Variants in SENP7 observed in about 807,000 individuals in gnomAD.
SENP7 encodes SUMO specific peptidase 7, also known as sentrin-specific protease 7.
A neutral mutation model predicts 141.2 loss-of-function variants in SENP7; 64 were observed. The ratio of observed to expected loss-of-function variants is 0.45; its 90% CI spans 0.37 to 0.56. SENP7 has a LOEUF of 0.56. Ranked by LOEUF, SENP7 falls within the 20% of genes least tolerant of loss-of-function variation. The pLI, the probability that SENP7 is intolerant of heterozygous loss-of-function variation, is 0.00. For missense variants in SENP7, 1,025 were observed against 1,212.2 expected, an observed-to-expected ratio of 0.85 and a Z score of 2.29; for synonymous variants, 382 against 426.4, an observed-to-expected ratio of 0.90 and a Z score of 1.28.
chr3:101,463,398 C>CATATATATATATATATACACAT (rs2063647105), intron 3 of SENP7, among the ~76,000 whole-genome samples: 2 of 58,716 alleles, frequency 3.4e-5, no homozygotes, highest in East Asian at 1.1e-3. Flanking sequence ...TATATATATA[C>CATATATATATATATATACACAT]ATATATATAT....
chr3:101,499,370 T>G (rs2065281609), intron 2 of SENP7, among the ~76,000 whole-genome samples: 1 of 152,074 alleles, frequency 6.6e-6, no homozygotes, highest in African/African-American at 2.4e-5. Flanking sequence ...ATGTAAGGTT[T>G]TTTTAGGGGG....
At chr3:101,343,325 TCATAAA>T (rs1231538000) in intron 14 of SENP7, among the ~76,000 whole-genome samples, 4 of 152,218 alleles carry the variant, frequency 2.6e-5, no homozygotes, top group South Asian at 2.1e-4. Context: ...TTTGCAATAC[TCATAAA>T]CATAGTGTTC....
At chr3:101,445,146 C>CA (rs1344783538) in intron 4 of SENP7, among the ~76,000 whole-genome samples, 2 of 152,016 alleles carry the variant, frequency 1.3e-5, no homozygotes, top group Non-Finnish European at 2.9e-5. Flanking sequence ...AATTTCTCAA[C>CA]AAAAACTTTC....
intron 9 of SENP7, among the ~76,000 whole-genome samples, chr3:101,366,224 A>C (rs151218537): frequency 5.1e-4 from 78 of 152,346 alleles, no homozygotes; most frequent in African/African-American, 1.8e-3. Flanking sequence ...TCTGTTTTCA[A>C]GTCCTCCATT....
At chr3:101,411,350 TA>T (rs1401698003) in intron 5 of SENP7, among the ~76,000 whole-genome samples, 1 of 152,220 alleles carries the variant, frequency 6.6e-6, no homozygotes, top group Admixed American at 6.5e-5. Context: ...GCAATCTTGA[TA>T]AAAAATCTTA....
At chr3:101,400,469 C>A (rs1313894333) in intron 5 of SENP7, among the ~76,000 whole-genome samples, 1 of 151,014 alleles carries the variant, frequency 6.6e-6, no homozygotes, top group Non-Finnish European at 1.5e-5. Flanking sequence ...GTGTCTGTGT[C>A]ACATTTCGGT....
intron 6 of SENP7, among the ~76,000 whole-genome samples, chr3:101,378,796 T>C (rs1332472106): frequency 6.6e-6 from 1 of 151,934 alleles, no homozygotes; most frequent in East Asian, 1.9e-4. Flanking sequence ...AAACAGTTAA[T>C]AAAATCCAGA....
At chr3:101,395,651 T>A (rs1576212600) in intron 6 of SENP7, among the ~76,000 whole-genome samples, 1 of 152,354 alleles carries the variant, frequency 6.6e-6, no homozygotes, top group Non-Finnish European at 1.5e-5. Flanking sequence ...AGGGTTAAGA[T>A]TAACAAATTC....
rs527582716 is a variant in SENP7 at position 101,467,636 on chromosome 3, TAACA to T, written c.187-8588_187-8585del. ...GGGACCTGACTGTTAGAAGGAAAACTAACAAACAGAGAGGAATAGCATCAACATC... is the reference window on the plus strand; with the variant it reads ...GGGACCTGACTGTTAGAAGGAAAACTAACAGAGAGGAATAGCATCAACATC... On this transcript the variant is annotated intron_variant, in intron 3 of 23. Coordinates refer to ENST00000394095, the MANE Select transcript of SENP7 (RefSeq NM_020654.5). Among the ~76,000 whole-genome samples, 26 of 152,220 alleles carry T rather than the reference TAACA, an allele frequency of 1.7e-4. No individual in the cohort carries two copies. In the South Asian group the frequency reaches 2.7e-3, roughly 16 times the overall value.
chr3:101,378,628 A>C lies in SENP7; in HGVS notation c.678-6502T>G, dbSNP rs2060406210. Among the ~76,000 whole-genome samples, 7 of 152,304 alleles carry C rather than the reference A, an allele frequency of 4.6e-5. No individual in the cohort carries two copies. The South Asian group carries it at 1.4e-3, about 32-fold the overall frequency. On this transcript the variant is annotated intron_variant, in intron 6 of 23. Coordinates refer to ENST00000394095, the MANE Select transcript of SENP7 (RefSeq NM_020654.5). ...TAAGAAGAAAGAGGTAAAGAAACAG[A>C]GGAAAAATGCAAAGCAATAATGCAT...
chr3:101,500,573 A>C (rs2065338784), intron 2 of SENP7, among the ~76,000 whole-genome samples: 2 of 152,226 alleles, frequency 1.3e-5, no homozygotes, highest in Non-Finnish European at 2.9e-5. Context: ...TATCTTTCTT[A>C]AAAGGAATTA....
At chr3:101,507,526 A>G (rs529705219) in intron 1 of SENP7, among the ~76,000 whole-genome samples, 6 of 152,308 alleles carry the variant, frequency 3.9e-5, no homozygotes, top group African/African-American at 1.4e-4. Flanking sequence ...TAAATTTTGA[A>G]TATTTTCCTT....
At chr3:101,377,791 C>G (rs2060378033) in intron 6 of SENP7, among the ~76,000 whole-genome samples, 1 of 152,186 alleles carries the variant, frequency 6.6e-6, no homozygotes, top group Non-Finnish European at 1.5e-5. Flanking sequence ...ATCTAGCTTT[C>G]CATGTGGGAG....
At chr3:101,431,327 A>G (rs1177390676) in intron 4 of SENP7, among the ~76,000 whole-genome samples, 1 of 151,806 alleles carries the variant, frequency 6.6e-6, no homozygotes, top group African/African-American at 2.4e-5. Context: ...GTCTCTTTGT[A>G]GGTCTCTAAG....
chr3:101,332,738 C>A, intron 18 of SENP7, 32 bp downstream of exon 18: 1 of 1,387,946 alleles, frequency 7.2e-7, no homozygotes, highest in South Asian at 1.8e-5. Flanking sequence ...GAATTCTTTC[C>A]AATATGTTCT....
At chr3:101,365,743 AGTT>A (rs2060022291) in intron 9 of SENP7, among the ~76,000 whole-genome samples, 1 of 152,028 alleles carries the variant, frequency 6.6e-6, no homozygotes, top group African/African-American at 2.4e-5. Flanking sequence ...CAGGCCTATC[AGTT>A]GTTATCTGAT....
At chr3:101,440,597 A>G (rs2062629348) in intron 4 of SENP7, among the ~76,000 whole-genome samples, 1 of 150,946 alleles carries the variant, frequency 6.6e-6, no homozygotes, top group Non-Finnish European at 1.5e-5. Flanking sequence ...AAAAAAAAAA[A>G]GAATGAGTAT....
chr3:101,376,782 A>G (rs989230394), intron 6 of SENP7, among the ~76,000 whole-genome samples: 6 of 152,176 alleles, frequency 3.9e-5, no homozygotes, highest in Admixed American at 1.3e-4. Flanking sequence ...CTTAAAGTAT[A>G]ATTTAAAAAA....
intron 3 of SENP7, among the ~76,000 whole-genome samples, chr3:101,459,850 A>C (rs1325642971): frequency 6.6e-6 from 1 of 152,212 alleles, no homozygotes; most frequent in African/African-American, 2.4e-5. Context: ...GCAGGATATA[A>C]GATCGAAAGG....
Sources: allele counts gnomAD v4.1 joint callset (sites outside exome capture counted in the v4.1 genomes callset), GRCh38; gene constraint gnomAD v4.1.1; transcripts MANE v1.5; gene names NCBI Gene and HGNC (gene_info 2026-07-23, HGNC 2026-07-21).